LCNL1: variants seen among roughly 807,000 people sequenced by gnomAD.
The protein encoded by LCNL1 is lipocalin like 1.
Under a neutral mutation model 7.9 loss-of-function variants are expected in LCNL1, and 11 were observed. The observed-to-expected ratio is 1.40, with a 90% CI of 0.88 to 2.32. The LOEUF is 2.32. LCNL1 is among the 30% of genes most tolerant of loss of function. The pLI, the probability that LCNL1 is intolerant of heterozygous loss-of-function variation, is 0.00. For synonymous variants in LCNL1, 90 were observed against 92.5 expected (o/e 0.97, Z 0.15); for missense variants, 218 against 217.0 (o/e 1.00, Z -0.03).
rs916454258 is a variant in LCNL1, at chr9:136,985,069, A to G, written c.*58A>G. On this transcript the variant is annotated 3_prime_UTR_variant, in exon 3 of 3. Coordinates refer to ENST00000408973, the MANE Select transcript of LCNL1 (RefSeq NM_207510.4). ...CCCGAGCTGTTTCCCGAAGGCGCCC[A>G]GAAGATGCAGCTACTGGCGCCCCAA... 6.6e-5 allele frequency: 92 copies of G among 1,400,850 alleles called. No homozygotes were observed. Among genetic ancestry groups the G allele is most frequent in the Non-Finnish European group, 7.3e-5 (77 of 1,058,272 alleles). The allele number at this position is 1,400,850 out of a possible 1,614,324, so 86.8% of individuals were successfully genotyped here. A position where few individuals can be genotyped will look rare whatever the true frequency, so the allele number is the denominator to read the frequency against.
chr9:136,984,596 G>T, intron 2 of LCNL1, 33 bp downstream of exon 2: 1 of 1,535,840 alleles, frequency 6.5e-7, no homozygotes, highest in Admixed American at 2.1e-5. Context: ...GCTGTGGCGT[G>T]GGGGCCCTGG....
Position 136,984,487 on chromosome 9 carries a change from C to T in LCNL1, c.123-3C>T, listed in dbSNP as rs1474042403. ...TCAGGGGATTGGGGCTCTTTCTCCCCAGGCCCCATGGCGGGTGCCAGAAAA... is the reference window on the plus strand; with the variant it reads ...TCAGGGGATTGGGGCTCTTTCTCCCTAGGCCCCATGGCGGGTGCCAGAAAA... On this transcript the variant is annotated splice_region_variant and splice_polypyrimidine_tract_variant and intron_variant, in intron 1 of 2. Transcript: ENST00000408973. The T allele has an allele frequency of 8.3e-6, 13 of 1,563,782 alleles. No homozygotes were observed. Among genetic ancestry groups the T allele is most frequent in the Admixed American group, 1.9e-5 (1 of 51,724 alleles).
rs1475301450 is a variant in LCNL1, at chr9:136,984,888, CCTGCACCAGCCCTTT to C, written c.379_393del (p.Gln127_His131del). On this transcript the variant is annotated inframe_deletion, in exon 3 of 3. Transcript: ENST00000408973. ...TCGGGTCTGGGATGTCACCCCTGTG[CCTGCACCAGCCCTTT>C]CTGCACGCGGAAGGTGGAACCGCTG... 6.4e-7 allele frequency: 1 copy of C among 1,557,986 alleles called. No homozygotes were observed. Among genetic ancestry groups the C allele is most frequent in the Non-Finnish European group, 8.7e-7 (1 of 1,150,886 alleles).
At position 136,985,047 on chromosome 9, in the gene LCNL1, G is replaced by A. The variant is rs186455046; in HGVS notation, c.*36G>A. ...CTCCCCACCTTCAGCTCGAGCGCCC[G>A]AGCTGTTTCCCGAAGGCGCCCAGAA... is the stretch of plus-strand genomic sequence containing the variant. On this transcript the variant is annotated 3_prime_UTR_variant, in exon 3 of 3. Coordinates refer to ENST00000408973, the MANE Select transcript of LCNL1 (RefSeq NM_207510.4). 1.2e-3 allele frequency: 1,735 copies of A among 1,422,288 alleles called. 27 individuals are homozygous for A. The Admixed American group carries it at 0.02, about 17-fold the overall frequency. 88.1% of individuals were successfully genotyped at this position (1,422,288 alleles called of 1,614,324 possible). A position where few individuals can be genotyped will look rare whatever the true frequency, so the allele number is the denominator to read the frequency against.
rs745332232 is a variant in LCNL1 at position 136,984,789 on chromosome 9, AG to A, written c.278del (p.Gly93AlafsTer116). 174 of 1,577,288 alleles carry A rather than the reference AG, an allele frequency of 1.1e-4. No homozygotes were observed. Among genetic ancestry groups the A allele is most frequent in the Non-Finnish European group, 1.4e-4 (165 of 1,159,182 alleles). On this transcript the variant is annotated frameshift_variant, in exon 3 of 3. Transcript: ENST00000408973. LOFTEE classifies it low-confidence loss of function (END_TRUNC). ...CCTTGCTGTACTTGGAGATGCGGAA[AG>A]GGGGCCTGCGGAACCAGTGGCTGCA... ...FALLYLEMRKGGLRNQWLQLY... is the reference protein window; with the variant it reads ...FALLYLEMRKXGLRNQWLQLY...
rs1382203595 is a variant in LCNL1, at chr9:136,985,324, T to C, written c.*313T>C. On this transcript the variant is annotated 3_prime_UTR_variant, in exon 3 of 3. Coordinates refer to ENST00000408973, the MANE Select transcript of LCNL1 (RefSeq NM_207510.4). Reference sequence around the variant, plus strand: ...CCGGTGTTCCCAGGAGGAGATCGCCTTGGGGCAGGTCGGGGGCCTCCGTCC... The same window carrying C: ...CCGGTGTTCCCAGGAGGAGATCGCCCTGGGGCAGGTCGGGGGCCTCCGTCC... 5.8e-6 allele frequency: 2 copies of C among 343,396 alleles called. No homozygotes were observed. The highest frequency in any genetic ancestry group is 8.1e-5 in the South Asian group (1 of 12,402). The allele number at this position is 343,396 out of a possible 1,614,324, so 21.3% of individuals were successfully genotyped here.
Position 136,983,498 on chromosome 9 carries a change from G to GAA in LCNL1, c.-89_-88insAA. On this transcript the variant is annotated 5_prime_UTR_variant, in exon 1 of 3. Coordinates refer to ENST00000408973, the MANE Select transcript of LCNL1 (RefSeq NM_207510.4). ...CGTGGCCAGGAAGCAGCTGTGTCGG[G>GAA]GCAGAATGTGGTGGGCTCAGGCCCA... 6.5e-7 allele frequency: 1 copy of GAA among 1,538,176 alleles called. No individual in the cohort carries two copies. The highest frequency in any genetic ancestry group is 1.7e-5 in the Admixed American group (1 of 59,136).
At position 136,983,481 on chromosome 9, in the gene LCNL1, G is replaced by A. The variant is rs1255567894; in HGVS notation, c.-106G>A. The A allele has an allele frequency of 4.2e-6, 6 of 1,431,124 alleles. No individual in the cohort carries two copies. In the East Asian group the frequency reaches 1.4e-4, roughly 33 times the overall value. The allele number at this position is 1,431,124 out of a possible 1,614,324, so 88.7% of individuals were successfully genotyped here. A position where few individuals can be genotyped will look rare whatever the true frequency, so the allele number is the denominator to read the frequency against. On this transcript the variant is annotated 5_prime_UTR_variant, in exon 1 of 3. Coordinates refer to ENST00000408973, the MANE Select transcript of LCNL1 (RefSeq NM_207510.4). The stretch of plus-strand genomic sequence containing the variant: ...TGTACAGCAGCCCCTGCCGTGGCCA[G>A]GAAGCAGCTGTGTCGGGGCAGAATG...
rs2131400157 is a variant in LCNL1, at chr9:136,983,666, C to T, written c.80C>T (p.Pro27Leu). The part of the protein sequence containing the change: ...TMKMAVVLVT[P>L]LGNGDLALKF... ...AAGATGGCTGTGGTCTTAGTGACCC[C>T]CTTGGGGAATGGTGACCTGGCCCTC... is the stretch of plus-strand genomic sequence containing the variant. The change falls in exon 1 of 3, where the codon CCC becomes CTC. Residue 27 changes from proline to leucine, a missense_variant. Transcript: ENST00000408973. 2 of 1,614,040 alleles carry T rather than the reference C, an allele frequency of 1.2e-6. No homozygotes were observed. Among genetic ancestry groups the T allele is most frequent in the Middle Eastern group, 1.6e-4 (1 of 6,062 alleles).
intron 1 of LCNL1, chr9:136,983,991 T>C (rs1588489379): frequency 2.1e-6 from 1 of 466,188 alleles, no homozygotes; most frequent in Non-Finnish European, 4.0e-6. Context: ...TATGTGTGTC[T>C]ATTTCTGCAT....
In LCNL1 at chr9:136,984,943, T is replaced by C. The variant is rs1287756070; in HGVS notation, c.427T>C (p.Trp143Arg). Residue 143 changes from tryptophan (W) to arginine (R), a missense_variant, in exon 3 of 3, where the codon TGG (tryptophan) becomes CGG (arginine). Transcript: ENST00000408973. ...EGGTAGSWCL[W>R]PRVPAPPCPS... ...TGGAACCGCTGGCTCCTGGTGTCTG[T>C]GGCCGCGGGTCCCGGCCCCTCCCTG... 6.5e-7 allele frequency: 1 copy of C among 1,547,632 alleles called. No individual in the cohort carries two copies. Among genetic ancestry groups the C allele is most frequent in the Non-Finnish European group, 8.7e-7 (1 of 1,147,638 alleles).
At chr9:136,984,064 G>A in intron 1 of LCNL1, 1 of 413,782 alleles carries the variant, frequency 2.4e-6, no homozygotes, top group Non-Finnish European at 4.5e-6. Flanking sequence ...ACCTCTGAGT[G>A]TGTATGTGTG....
Position 136,984,523 on chromosome 9 carries a change from C to T in LCNL1, c.156C>T (p.Thr52=). The T allele has an allele frequency of 1.3e-6, 2 of 1,572,442 alleles. No homozygotes were observed. Among genetic ancestry groups the T allele is most frequent in the Non-Finnish European group, 1.7e-6 (2 of 1,158,884 alleles). ...PHGGCQKMDT[T]FTEGAVPGQF... ...GCGGGTGCCAGAAAATGGACACGAC[C>T]TTCACCGAGGGTGCTGTACCGGGGC... The change falls in exon 2 of 3, where the codon ACC becomes ACT. Residue 52 remains threonine, a synonymous_variant. Transcript: ENST00000408973.
rs768132399 is a variant in LCNL1, at chr9:136,983,157, C to G, written c.-430C>G. 4 of 192,098 alleles carry G rather than the reference C, an allele frequency of 2.1e-5. No individual in the cohort carries two copies. The highest frequency in any genetic ancestry group is 4.5e-5 in the Non-Finnish European group (4 of 89,296). The allele number at this position is 192,098 out of a possible 1,614,324, so 11.9% of individuals were successfully genotyped here. On this transcript the variant is annotated 5_prime_UTR_variant, in exon 1 of 3. Coordinates refer to ENST00000408973, the MANE Select transcript of LCNL1 (RefSeq NM_207510.4). The stretch of plus-strand genomic sequence containing the variant: ...GCAGGGCTAGGGGCAGGGGAAACCC[C>G]CACCTCACCCGCTCCGTCTGACTGG...
At position 136,984,941 on chromosome 9, in the gene LCNL1, T is replaced by C; in HGVS notation, c.425T>C (p.Leu142Pro). The stretch of plus-strand genomic sequence containing the variant: ...GGTGGAACCGCTGGCTCCTGGTGTC[T>C]GTGGCCGCGGGTCCCGGCCCCTCCC... ...AEGGTAGSWCLWPRVPAPPCP... is the reference protein window; with the variant it reads ...AEGGTAGSWCPWPRVPAPPCP... The change falls in exon 3 of 3, where the codon CTG (leucine) becomes CCG (proline). Residue 142 changes from leucine to proline, a missense_variant. Coordinates refer to ENST00000408973, the MANE Select transcript of LCNL1 (RefSeq NM_207510.4). 6.5e-7 allele frequency: 1 copy of C among 1,548,806 alleles called. No homozygotes were observed. Among genetic ancestry groups the C allele is most frequent in the Non-Finnish European group, 8.7e-7 (1 of 1,147,840 alleles).
chr9:136,983,380 C>T lies in LCNL1; in HGVS notation c.-207C>T, dbSNP rs1003431530. 1.7e-5 allele frequency: 10 copies of T among 571,446 alleles called. No homozygotes were observed. The highest frequency in any genetic ancestry group is 7.4e-5 in the African/African-American group (4 of 53,818). 35.4% of individuals were successfully genotyped at this position (571,446 alleles called of 1,614,324 possible). A position where few individuals can be genotyped will look rare whatever the true frequency, so the allele number is the denominator to read the frequency against. ...CCCTGGGTGCCAGCTGCAGACAGGC[C>T]GGTGCTGGGCTGGTGGGGGCCAGTT... On this transcript the variant is annotated 5_prime_UTR_variant, in exon 1 of 3. Coordinates refer to ENST00000408973, the MANE Select transcript of LCNL1 (RefSeq NM_207510.4).
chr9:136,984,630 G>C, intron 2 of LCNL1, 67 bp downstream of exon 2: 1 of 1,504,486 alleles, frequency 6.6e-7, no homozygotes, highest in South Asian at 1.3e-5. Flanking sequence ...TGCTGGATTG[G>C]CACCTGGGGC....
chr9:136,984,880 C>T lies in LCNL1; in HGVS notation c.364C>T (p.Pro122Ser). 1 of 1,559,164 alleles carries T rather than the reference C, an allele frequency of 6.4e-7. No individual in the cohort carries two copies. The change falls in exon 3 of 3, where the codon CCC (proline) becomes TCC (serine). Residue 122 changes from proline to serine, a missense_variant. Coordinates refer to ENST00000408973, the MANE Select transcript of LCNL1 (RefSeq NM_207510.4). ...RHPRFGSGMSPLCLHQPFLHA... is the reference protein window; with the variant it reads ...RHPRFGSGMSSLCLHQPFLHA... ...CCCCCGCTTCGGGTCTGGGATGTCA[C>T]CCCTGTGCCTGCACCAGCCCTTTCT...
chr9:136,984,195 GTGTC>G (rs1830471918), intron 1 of LCNL1: 2 of 470,878 alleles, frequency 4.2e-6, no homozygotes, highest in South Asian at 7.7e-5. Flanking sequence ...GTCTGTGTCT[GTGTC>G]TATCTCCGTG....
Sources: gnomAD v4.1 joint callset for allele counts on GRCh38, gnomAD v4.1.1 for gene constraint, MANE v1.5 for transcripts, NCBI Gene and HGNC (gene_info 2026-07-23, HGNC 2026-07-21) for gene names.